MIGA2: variants seen among roughly 807,000 people sequenced by gnomAD.
The protein encoded by MIGA2 is family with sequence similarity 73, member B.
Under a neutral mutation model 69.9 loss-of-function variants are expected in MIGA2, and 36 were observed. The observed-to-expected ratio is 0.52, with a 90% CI of 0.39 to 0.68. The LOEUF (loss-of-function observed/expected upper bound fraction) is 0.68, where lower values mean the gene tolerates loss of function less well. Ranked by LOEUF, MIGA2 falls within the 30% of genes least tolerant of loss-of-function variation. The pLI, the probability that MIGA2 is intolerant of heterozygous loss-of-function variation, is 0.00. For synonymous variants in MIGA2, 333 were observed against 349.2 expected (o/e 0.95, Z 0.52); for missense variants, 660 against 787.7 (o/e 0.84, Z 1.94).
intron 3 of MIGA2, among the ~76,000 whole-genome samples, chr9:129,048,132 G>A (rs1183073962): frequency 4.6e-5 from 7 of 152,224 alleles, no homozygotes; most frequent in Non-Finnish European, 1.5e-5. Context: ...GCAAGGAGGC[G>A]GGAAAGCAGA....
At chr9:129,046,531 C>T (rs1845233513) in intron 3 of MIGA2, among the ~76,000 whole-genome samples, 1 of 150,906 alleles carries the variant, frequency 6.6e-6, no homozygotes, top group African/African-American at 2.4e-5. Context: ...AATCTTGGCT[C>T]ACTGCAACCT....
At chr9:129,051,284 A>ATT in intron 6 of MIGA2, 17 of 160,866 alleles carry the variant, frequency 1.1e-4, no homozygotes, top group South Asian at 1.6e-4. Context: ...TTATTTATTT[A>ATT]TTTTTTTTTT....
Position 129,061,631 on chromosome 9 carries a change from C to T in MIGA2, c.1010+285C>T, listed in dbSNP as rs1846072665. Among the ~76,000 whole-genome samples the T allele has an allele frequency of 6.6e-6, 1 of 152,128 alleles. No individual in the cohort carries two copies. Among genetic ancestry groups the T allele is most frequent in the Admixed American group, 6.5e-5 (1 of 15,278 alleles). On this transcript the variant is annotated intron_variant, in intron 9 of 15. Coordinates refer to ENST00000684074, the MANE Select transcript of MIGA2 (RefSeq NM_001329990.2). The surrounding 1 kb of genome is among the most constrained non-coding windows in gnomAD (Gnocchi z 5.0). ...CTAAATTCTGAGAGAGTGTATGCTT[C>T]TACAGCACATACACTGAAAAAAAAA...
At position 129,049,883 on chromosome 9, in the gene MIGA2, C is replaced by CCTAAGCAGGCACTA; in HGVS notation, c.595_596insCTAAGCAGGCACTA (p.Gln199ProfsTer69). The CCTAAGCAGGCACTA allele has an allele frequency of 6.2e-7, 1 of 1,613,966 alleles. No individual in the cohort carries two copies. ...GTGGGAGCAGGCACTAAGCGTGGGCCAGCGGGGGGACAGCGGCAGCACCCC... is the reference window on the plus strand; with the variant it reads ...GTGGGAGCAGGCACTAAGCGTGGGCCCTAAGCAGGCACTAAGCGGGGGGACAGCGGCAGCACCCC... On this transcript the variant is annotated frameshift_variant, in exon 6 of 16. Coordinates refer to ENST00000684074, the MANE Select transcript of MIGA2 (RefSeq NM_001329990.2). LOFTEE classifies it high-confidence loss of function.
intron 1 of MIGA2, among the ~76,000 whole-genome samples, chr9:129,039,152 C>T (rs1346338288): frequency 2.8e-5 from 4 of 144,582 alleles, no homozygotes; most frequent in East Asian, 4.1e-4. Flanking sequence ...GCACAAAATA[C>T]GTAGCGTGGA....
At chr9:129,062,831 G>A (rs1245220928) in intron 9 of MIGA2, among the ~76,000 whole-genome samples, 3 of 151,544 alleles carry the variant, frequency 2.0e-5, no homozygotes, top group Non-Finnish European at 2.9e-5. Flanking sequence ...GTGACAGAAC[G>A]AGACTCCGTC....
At position 129,059,842 on chromosome 9, in the gene MIGA2, C is replaced by T. The variant is rs556347586; in HGVS notation, c.793+571C>T. ...TGGGACCCTCAGACTCCTGAGGGTC[C>T]AGCTGCCTGGCTCTGCCAGTGGAGA... On this transcript the variant is annotated intron_variant, in intron 7 of 15. Transcript: ENST00000684074. This position sits in a 1 kb window ranked among gnomAD's most constrained non-coding sequence, Gnocchi z 5.6. 6.6e-6 allele frequency among the ~76,000 whole-genome samples: 1 copy of T among 152,280 alleles called. No individual in the cohort carries two copies. Among genetic ancestry groups the T allele is most frequent in the Admixed American group, 6.5e-5 (1 of 15,286 alleles).
intron 11 of MIGA2, among the ~76,000 whole-genome samples, chr9:129,064,841 G>A (rs1250362022): frequency 6.6e-6 from 1 of 150,514 alleles, no homozygotes; most frequent in Non-Finnish European, 1.5e-5. Flanking sequence ...GGAGTGCAAT[G>A]TCACGATCTC....
chr9:129,064,013 C>G (rs548549994), intron 11 of MIGA2, among the ~76,000 whole-genome samples: 1 of 152,168 alleles, frequency 6.6e-6, no homozygotes, highest in African/African-American at 2.4e-5. Flanking sequence ...CCTTCTACTG[C>G]TCTCTTGTGA....
chr9:129,050,578 T>A (rs1324091876), intron 6 of MIGA2, among the ~76,000 whole-genome samples: 3 of 150,484 alleles, frequency 2.0e-5, no homozygotes, highest in African/African-American at 7.4e-5. Flanking sequence ...CAGCTGTTTT[T>A]TTTTTTTTTT....
intron 1 of MIGA2, among the ~76,000 whole-genome samples, chr9:129,040,189 C>T (rs1312089400): frequency 6.6e-6 from 1 of 152,218 alleles, no homozygotes; most frequent in African/African-American, 2.4e-5. Context: ...AGTGACCTGT[C>T]CACCTCCCAG....
chr9:129,069,089 C>T lies in MIGA2; in HGVS notation c.1418C>T (p.Ala473Val), dbSNP rs1846522217. ...DSFKETALAT[A>V]CWSVLKAKRR... ...TTTTTGATGTAGGCCTTGGCCACTG[C>T]TTGCTGGTCGGTCCTGAAAGCCAAG... Residue 473 changes from alanine to valine, a missense_variant, in exon 14 of 16, where the codon GCT becomes GTT. Ala to Val is a moderately conservative substitution (Grantham distance 64, BLOSUM62 0). Coordinates refer to ENST00000684074, the MANE Select transcript of MIGA2 (RefSeq NM_001329990.2). This position sits in a 1 kb window ranked among gnomAD's most constrained non-coding sequence, Gnocchi z 4.9. 8 of 1,613,894 alleles carry T rather than the reference C, an allele frequency of 5.0e-6. No homozygotes were observed. The highest frequency in any genetic ancestry group is 1.3e-5 in the African/African-American group (1 of 74,920).
At position 129,042,478 on chromosome 9, in the gene MIGA2, A is replaced by C; in HGVS notation, c.271A>C (p.Ile91Leu). The C allele has an allele frequency of 6.3e-7, 1 of 1,596,682 alleles. No individual in the cohort carries two copies. The change falls in exon 3 of 16, where the codon ATC becomes CTC. Residue 91 changes from isoleucine (I) to leucine (L), a missense_variant. Ile to Leu is a conservative substitution (Grantham distance 5). This residue lies in a region of MIGA2 where 386 missense variants were observed against 402.0 expected (regional missense o/e 0.96). Transcript: ENST00000684074. ...GEQLGTVPLP[I>L]LLARKVPSVK... is the part of the protein sequence containing the mutation. ...GCAGCTGGGCACGGTGCCCCTCCCT[A>C]TCCTCTTGGCCAGGAAGGTCCCTTC...
intron 1 of MIGA2, among the ~76,000 whole-genome samples, chr9:129,039,180 TG>T (rs1844761010): frequency 1.0e-5 from 1 of 96,714 alleles, no homozygotes. Context: ...TTTGTTTGTG[TG>T]TGTGTGTGTG....
At position 129,068,332 on chromosome 9, in the gene MIGA2, G is replaced by A. The variant is rs1347804341; in HGVS notation, c.1404G>A (p.Thr468=). Residue 468 remains threonine (T), a splice_region_variant and synonymous_variant, in exon 13 of 16, where the codon ACG becomes ACA. Transcript: ENST00000684074. The surrounding 1 kb of genome is among the most constrained non-coding windows in gnomAD (Gnocchi z 4.1). ...NRWLSDSFKE[T]ALATACWSVL... ...GGCTGTCAGACAGCTTCAAGGAGAC[G>A]GTGGGTCACTGCCCTGCTCTCAGAC... 2.5e-6 allele frequency: 4 copies of A among 1,602,526 alleles called. No homozygotes were observed. The highest frequency in any genetic ancestry group is 2.5e-6 in the Non-Finnish European group (3 of 1,178,222).
chr9:129,050,081 CT>C, intron 6 of MIGA2, 118 bp downstream of exon 6: 6 of 1,336,706 alleles, frequency 4.5e-6, no homozygotes, highest in Middle Eastern at 1.9e-4. Flanking sequence ...TGATTTCCCT[CT>C]ATGAGGGTGT....
rs1588400100 is a variant in MIGA2, at chr9:129,059,009, G to A, written c.676-145G>A. ...AGAAGTGGCTGGTGGCTCCTCTATC[G>A]AGCAGTGAAGTTTTGGAGTTTATGT... On this transcript the variant is annotated intron_variant, in intron 6 of 15. Coordinates refer to ENST00000684074, the MANE Select transcript of MIGA2 (RefSeq NM_001329990.2). The surrounding 1 kb of genome is among the most constrained non-coding windows in gnomAD (Gnocchi z 5.6). The A allele has an allele frequency of 3.1e-6, 2 of 653,350 alleles. No homozygotes were observed. Among genetic ancestry groups the A allele is most frequent in the South Asian group, 1.9e-5 (1 of 51,786 alleles). 40.5% of individuals were successfully genotyped at this position (653,350 alleles called of 1,614,324 possible). A position where few individuals can be genotyped will look rare whatever the true frequency, so the allele number is the denominator to read the frequency against.
intron 6 of MIGA2, among the ~76,000 whole-genome samples, chr9:129,052,600 C>T (rs1027388922): frequency 2.6e-5 from 4 of 152,076 alleles, no homozygotes; most frequent in Admixed American, 6.6e-5. Context: ...CTTTTGGCAG[C>T]GGAGGTAGAA....
intron 2 of MIGA2, among the ~76,000 whole-genome samples, chr9:129,041,873 G>A (rs1844924522): frequency 6.6e-6 from 1 of 152,208 alleles, no homozygotes; most frequent in African/African-American, 2.4e-5. Flanking sequence ...TGAGAAATGG[G>A]GGTCAGCAGA....
Sources: gnomAD v4.1 joint callset for allele counts (sites outside exome capture counted in the v4.1 genomes callset) on GRCh38, gnomAD v4.1.1 for gene constraint, gnomAD v4.1.1 regional missense constraint, Gnocchi (gnomAD v3.1) non-coding constraint, MANE v1.5 for transcripts, NCBI Gene and HGNC (gene_info 2026-07-23, HGNC 2026-07-21) for gene names.